Variants in ZC3HAV1 observed in about 807,000 individuals in gnomAD.
ZC3HAV1 encodes the protein zinc finger CCCH-type containing, antiviral 1.
A neutral mutation model predicts 86.6 loss-of-function variants in ZC3HAV1; 41 were observed. That is an observed-to-expected ratio of 0.47 (90% CI 0.37 to 0.61). The LOEUF (loss-of-function observed/expected upper bound fraction) is 0.61, where lower values mean the gene tolerates loss of function less well. Ranked by LOEUF, ZC3HAV1 falls within the 20% of genes least tolerant of loss-of-function variation. The probability of loss-of-function intolerance (pLI) is 0.00; values close to 1 mark genes in which losing one functional copy is unlikely to be tolerated. For missense variants in ZC3HAV1, 964 were observed against 1,141.1 expected, an observed-to-expected ratio of 0.84 and a Z score of 2.24; for synonymous variants, 421 against 432.1, an observed-to-expected ratio of 0.97 and a Z score of 0.32.
At chr7:139,107,842 A>G (rs1166151299) in intron 1 of ZC3HAV1, among the ~76,000 whole-genome samples, 1 of 152,228 alleles carries the variant, frequency 6.6e-6, no homozygotes, top group African/African-American at 2.4e-5. Flanking sequence ...GAATGGGCCA[A>G]GTGTAAAAAG....
At chr7:139,057,360 GA>G (rs1415576982) in intron 9 of ZC3HAV1, among the ~76,000 whole-genome samples, 1 of 89,274 alleles carries the variant, frequency 1.1e-5, no homozygotes, top group East Asian at 4.0e-4. Flanking sequence ...CTTTCTCAAA[GA>G]AAAAAAAAAT....
At chr7:139,071,085 C>G (rs1816758743) in intron 7 of ZC3HAV1, among the ~76,000 whole-genome samples, 2 of 149,270 alleles carry the variant, frequency 1.3e-5, no homozygotes, top group Admixed American at 1.3e-4. Context: ...CCAAATAGTT[C>G]CTTTTGGTTT....
chr7:139,081,977 G>A (rs764115405), intron 3 of ZC3HAV1, among the ~76,000 whole-genome samples: 2 of 152,176 alleles, frequency 1.3e-5, no homozygotes, highest in Non-Finnish European at 2.9e-5. Context: ...AGAAATAGCA[G>A]CACTTGGCTG....
intron 2 of ZC3HAV1, among the ~76,000 whole-genome samples, chr7:139,085,491 C>T (rs1308158958): frequency 1.3e-5 from 2 of 152,194 alleles, no homozygotes; most frequent in Non-Finnish European, 2.9e-5. Flanking sequence ...TGTGTGGCTT[C>T]CCACTGGTTA....
intron 7 of ZC3HAV1, among the ~76,000 whole-genome samples, chr7:139,065,627 C>T (rs1012267998): frequency 5.9e-5 from 9 of 152,086 alleles, no homozygotes; most frequent in African/African-American, 1.9e-4. Context: ...ATGAGGTGGC[C>T]GGGTGCAGTG....
intron 4 of ZC3HAV1, 76 bp from the exon 5 acceptor site, chr7:139,078,729 G>A (rs979617614): frequency 1.8e-6 from 2 of 1,085,682 alleles, no homozygotes; most frequent in African/African-American, 1.6e-5. Flanking sequence ...GTCTCACAAT[G>A]GGAAAGAATA....
intron 1 of ZC3HAV1, among the ~76,000 whole-genome samples, chr7:139,106,997 C>T (rs899976128): frequency 6.6e-6 from 1 of 151,536 alleles, no homozygotes. Flanking sequence ...TTGAAAATAT[C>T]CATAGTAAGA....
At chr7:139,072,455 G>A (rs1277152316) in intron 7 of ZC3HAV1, among the ~76,000 whole-genome samples, 2 of 152,110 alleles carry the variant, frequency 1.3e-5, no homozygotes, top group African/African-American at 4.8e-5. Context: ...CCAAAGTGCT[G>A]GGATTACAGG....
At chr7:139,074,357 T>C (rs929978107) in intron 6 of ZC3HAV1, among the ~76,000 whole-genome samples, 3 of 152,212 alleles carry the variant, frequency 2.0e-5, no homozygotes, top group African/African-American at 7.2e-5. Flanking sequence ...ATTTTTAAAA[T>C]TATTTATTAT....
chr7:139,057,317 C>T (rs1816314170), intron 9 of ZC3HAV1, among the ~76,000 whole-genome samples: 1 of 36,690 alleles, frequency 2.7e-5, no homozygotes, highest in South Asian at 1.1e-3. Context: ...ATGATCACAC[C>T]ACTGCACTCT....
At chr7:139,072,625 CAGA>C (rs890763672) in intron 7 of ZC3HAV1, among the ~76,000 whole-genome samples, 79 of 152,306 alleles carry the variant, frequency 5.2e-4, no homozygotes, top group African/African-American at 1.9e-3. Flanking sequence ...GACACTGAGA[CAGA>C]AGGACAGAGG....
intron 10 of ZC3HAV1, among the ~76,000 whole-genome samples, chr7:139,054,900 G>A (rs760952782): frequency 6.6e-6 from 1 of 152,154 alleles, no homozygotes. Flanking sequence ...CAATTCTCCT[G>A]TCTCAGCATC....
chr7:139,070,811 T>C (rs186347026), intron 7 of ZC3HAV1, among the ~76,000 whole-genome samples: 30 of 151,824 alleles, frequency 2.0e-4, no homozygotes, highest in African/African-American at 7.3e-4. Flanking sequence ...TGAAACCCCG[T>C]CTCAACTAAA....
intron 7 of ZC3HAV1, among the ~76,000 whole-genome samples, chr7:139,069,851 A>C (rs1384115298): frequency 1.3e-5 from 2 of 151,984 alleles, no homozygotes; most frequent in Non-Finnish European, 2.9e-5. Context: ...ATTCAGTTAC[A>C]AGAAATAAAA....
chr7:139,105,032 C>CAAAA (rs34053904), intron 1 of ZC3HAV1, among the ~76,000 whole-genome samples: 10 of 72,774 alleles, frequency 1.4e-4, no homozygotes, highest in African/African-American at 2.6e-4. Context: ...GACTCTGTCT[C>CAAAA]AAAAAAAAAA....
Position 139,060,383 on chromosome 7 carries a change from T to C in ZC3HAV1, c.2096+653A>G, listed in dbSNP as rs969785291. On this transcript the variant is annotated intron_variant, in intron 9 of 12. Transcript: ENST00000242351. Reference sequence around the variant, plus strand: ...TTTACTGAGCAGTTCACAAGGAGAGTTACAATGAATCCCCCACAGCAACAT... The same window carrying C: ...TTTACTGAGCAGTTCACAAGGAGAGCTACAATGAATCCCCCACAGCAACAT... 5 of 986,528 alleles carry C rather than the reference T, an allele frequency of 5.1e-6. No homozygotes were observed. The African/African-American group carries it at 8.8e-5, about 17-fold the overall frequency. The allele number at this position is 986,528 out of a possible 1,614,324, so 61.1% of individuals were successfully genotyped here.
intron 11 of ZC3HAV1, 115 bp downstream of exon 11, chr7:139,053,850 G>A (rs1052150019): frequency 8.2e-5 from 93 of 1,138,928 alleles, no homozygotes; most frequent in Middle Eastern, 3.0e-4. Flanking sequence ...AAAGACTAGC[G>A]CCTAAAGGAA....
intron 1 of ZC3HAV1, among the ~76,000 whole-genome samples, chr7:139,094,084 G>A (rs955317736): frequency 1.3e-5 from 2 of 152,154 alleles, no homozygotes; most frequent in African/African-American, 4.8e-5. Flanking sequence ...GAGGTTTTCA[G>A]AAATGCAAAT....
At chr7:139,096,186 G>A (rs941426663) in intron 1 of ZC3HAV1, among the ~76,000 whole-genome samples, 1 of 152,120 alleles carries the variant, frequency 6.6e-6, no homozygotes, top group Non-Finnish European at 1.5e-5. Flanking sequence ...GGCTAATTTT[G>A]TATTTTTAGT....
Sources: gnomAD v4.1 joint callset for allele counts (sites outside exome capture counted in the v4.1 genomes callset) on GRCh38, gnomAD v4.1.1 for gene constraint, MANE v1.5 for transcripts, NCBI Gene and HGNC (gene_info 2026-07-23, HGNC 2026-07-21) for gene names.